The following TCF4 variants were observed in gnomAD, a reference collection of about 807,000 sequenced individuals.
The protein encoded by TCF4 is SL3-3 enhancer factor 2.
In TCF4, 3 loss-of-function variants were observed where a neutral mutation model predicts 82.1. The observed-to-expected ratio is 0.04, with a 90% CI of 0.02 to 0.09. The LOEUF (loss-of-function observed/expected upper bound fraction) is 0.09. TCF4 is among the 10% of genes least tolerant of loss of function. The pLI is 1.00. For synonymous variants in TCF4, 276 were observed against 309.6 expected (o/e 0.89, Z 1.14); for missense variants, 518 against 852.7 (o/e 0.61, Z 4.89).
intron 2 of TCF4, among the ~76,000 whole-genome samples, chr18:55,595,416 G>T (rs1445967534): frequency 6.6e-6 from 1 of 152,154 alleles, no homozygotes; most frequent in Non-Finnish European, 1.5e-5. Flanking sequence ...CCCTTTAAAG[G>T]TGAGGAGCAG....
intron 3 of TCF4, among the ~76,000 whole-genome samples, chr18:55,467,265 C>T (rs1205882596): frequency 1.3e-5 from 2 of 152,044 alleles, no homozygotes; most frequent in Admixed American, 1.3e-4. Context: ...TCATTTTCTT[C>T]CATCTTCCCT....
Position 55,585,287 on chromosome 18 carries a change from A to C in TCF4, c.138T>G (p.Thr46=). The stretch of plus-strand genomic sequence containing the variant: ...AGAAAAGAATTTACATACTTGAGCC[A>C]GTAAAATGTCCACTTGCCAAAGAAG... ...GPTSLASGHF[T]GSNVEDRSSS... Residue 46 remains threonine, a synonymous_variant, in exon 3 of 20, where the codon ACT becomes ACG. Coordinates refer to ENST00000354452, the MANE Select transcript of TCF4 (RefSeq NM_001083962.2). 6.2e-7 allele frequency: 1 copy of C among 1,613,878 alleles called. No homozygotes were observed. The highest frequency in any genetic ancestry group is 1.7e-5 in the Admixed American group (1 of 60,030).
chr18:55,345,111 A>G (rs929815815), intron 8 of TCF4, among the ~76,000 whole-genome samples: 2 of 152,146 alleles, frequency 1.3e-5, no homozygotes, highest in African/African-American at 4.8e-5. Context: ...AGAATGCCTA[A>G]TAGTATGTAT....
At chr18:55,376,104 CT>C (rs1182189646) in intron 6 of TCF4, among the ~76,000 whole-genome samples, 4 of 150,496 alleles carry the variant, frequency 2.7e-5, no homozygotes. Flanking sequence ...TCACTGCAAC[CT>C]CCACCCCCAG....
intron 6 of TCF4, among the ~76,000 whole-genome samples, chr18:55,379,965 C>A (rs2091596608): frequency 6.6e-6 from 1 of 152,138 alleles, no homozygotes; most frequent in Admixed American, 6.5e-5. Flanking sequence ...CCTCGACTTT[C>A]CGGGCTCAGC....
intron 6 of TCF4, among the ~76,000 whole-genome samples, chr18:55,388,537 C>T (rs2092792904): frequency 6.6e-6 from 1 of 152,206 alleles, no homozygotes; most frequent in East Asian, 1.9e-4. Flanking sequence ...TAGAAATGCA[C>T]ATTTTTTCTC....
intron 4 of TCF4, 91 bp from the exon 5 acceptor site, chr18:55,461,206 C>T: frequency 9.2e-7 from 1 of 1,088,394 alleles, no homozygotes; most frequent in East Asian, 2.6e-5. Flanking sequence ...TTCTCCCCTC[C>T]AAAGAAATTG....
chr18:55,415,401 C>A (rs1157780289), intron 5 of TCF4, among the ~76,000 whole-genome samples: 3 of 152,056 alleles, frequency 2.0e-5, no homozygotes, highest in African/African-American at 7.2e-5. Context: ...AAAAACCCAA[C>A]CTTGAAAAGT....
intron 6 of TCF4, among the ~76,000 whole-genome samples, chr18:55,376,956 T>C (rs1229710593): frequency 2.0e-5 from 3 of 152,192 alleles, no homozygotes; most frequent in Admixed American, 1.3e-4. Context: ...CACCCTCTCA[T>C]TAACGTGGCC....
At position 55,254,610 on chromosome 18, in the gene TCF4, C is replaced by G. The variant is rs768214584; in HGVS notation, c.1237G>C (p.Gly413Arg). The G allele has an allele frequency of 1.2e-6, 2 of 1,613,640 alleles. No individual in the cohort carries two copies. Among genetic ancestry groups the G allele is most frequent in the Non-Finnish European group, 1.7e-6 (2 of 1,179,846 alleles). Residue 413 changes from glycine to arginine, a missense_variant, in exon 15 of 20, where the codon GGT becomes CGT. Around this residue, in one of 7 missense-constraint regions of TCF4, gnomAD observed 144 missense variants for 190.2 expected, o/e 0.76. Transcript: ENST00000354452. Reference sequence around the variant, plus strand: ...ATTCCATGCATGTCCCCATGACCACCAGGCATAGCTGTGGATGGGCCCACT... The same window carrying G: ...ATTCCATGCATGTCCCCATGACCACGAGGCATAGCTGTGGATGGGCCCACT... ...HAVGPSTAMP[G>R]GHGDMHGIIG...
At chr18:55,614,527 ATAT>A in intron 2 of TCF4, among the ~76,000 whole-genome samples, 1 of 152,274 alleles carries the variant, frequency 6.6e-6, no homozygotes, top group African/African-American at 2.4e-5. Context: ...TCATTGACTA[ATAT>A]TGTTGGATCT....
chr18:55,232,722 G>A, intron 16 of TCF4, 51 bp from the exon 17 acceptor site: 2 of 1,603,478 alleles, frequency 1.2e-6, no homozygotes, highest in Non-Finnish European at 1.7e-6. Context: ...CTCACTGCCT[G>A]CACACCAGAT....
At chr18:55,306,113 C>T (rs965612311) in intron 8 of TCF4, among the ~76,000 whole-genome samples, 1 of 152,072 alleles carries the variant, frequency 6.6e-6, no homozygotes. Flanking sequence ...CAAAATCAAC[C>T]ACTGAAATTG....
chr18:55,232,550 G>T lies in TCF4; in HGVS notation c.1608C>A (p.Asp536Glu), dbSNP rs370405835. The T allele has an allele frequency of 6.2e-7, 1 of 1,614,016 alleles. No homozygotes were observed. Among genetic ancestry groups the T allele is most frequent in the Non-Finnish European group, 8.5e-7 (1 of 1,179,978 alleles). ...TKSSEDKKLD[D>E]DKKDIKSITR... ...TAATTGATTTGATATCCTTCTTGTC[G>T]TCATCTAATTTCTTGTCCTCCGAAG... Residue 536 changes from aspartate to glutamate, a missense_variant, in exon 17 of 20, where the codon GAC (aspartate) becomes GAA (glutamate). Around this residue, in one of 7 missense-constraint regions of TCF4, gnomAD observed 144 missense variants for 190.2 expected, o/e 0.76. Coordinates refer to ENST00000354452, the MANE Select transcript of TCF4 (RefSeq NM_001083962.2).
intron 2 of TCF4, among the ~76,000 whole-genome samples, chr18:55,618,752 A>ATTT (rs35018085): frequency 1.4e-5 from 2 of 147,636 alleles, no homozygotes; most frequent in Non-Finnish European, 1.5e-5. Context: ...TGGCTAATTA[A>ATTT]TTTTTTTTTT....
chr18:55,239,029 T>C (rs1301688180), intron 15 of TCF4, among the ~76,000 whole-genome samples: 1 of 152,218 alleles, frequency 6.6e-6, no homozygotes, highest in Non-Finnish European at 1.5e-5. Context: ...TATTGACTGG[T>C]ACATGTAGGT....
chr18:55,629,452 C>G (rs1448288667), intron 2 of TCF4, among the ~76,000 whole-genome samples: 6 of 152,170 alleles, frequency 3.9e-5, no homozygotes, highest in Admixed American at 3.3e-4. Context: ...AGATCATAAA[C>G]ATAATACCAG....
chr18:55,580,109 T>C (rs1454718297), intron 3 of TCF4, among the ~76,000 whole-genome samples: 1 of 152,030 alleles, frequency 6.6e-6, no homozygotes, highest in African/African-American at 2.4e-5. Flanking sequence ...AGTTCTTGGA[T>C]CCCCACGCTT....
At chr18:55,254,467 A>T (rs1254334162) in intron 15 of TCF4, 30 bp downstream of exon 15, 22 of 1,588,748 alleles carry the variant, frequency 1.4e-5, no homozygotes, top group Non-Finnish European at 1.5e-5. Context: ...CTATATGATA[A>T]CTATAGAGTC....
Sources: gnomAD v4.1 joint callset for allele counts (sites outside exome capture counted in the v4.1 genomes callset) on GRCh38, gnomAD v4.1.1 for gene constraint, gnomAD v4.1.1 regional missense constraint, MANE v1.5 for transcripts, NCBI Gene and HGNC (gene_info 2026-07-23, HGNC 2026-07-21) for gene names.